ADCY9: variants seen among roughly 807,000 people sequenced by gnomAD.
ADCY9 encodes adenylate cyclase type 9.
In ADCY9, 50 loss-of-function variants were observed where a neutral mutation model predicts 101.5. The ratio of observed to expected loss-of-function variants is 0.49; its 90% CI spans 0.39 to 0.62. The LOEUF is 0.62. ADCY9 is among the 20% of genes least tolerant of loss of function. ADCY9 has a pLI of 0.00. For synonymous variants in ADCY9, 905 were observed against 769.3 expected (o/e 1.18, Z -2.92); for missense variants, 1,662 against 1,800.4 (o/e 0.92, Z 1.39).
intron 3 of ADCY9, among the ~76,000 whole-genome samples, chr16:4,001,008 C>CACACACACACACACACAT (rs3222326): frequency 6.6e-5 from 9 of 135,718 alleles, no homozygotes; most frequent in Non-Finnish European, 1.6e-4. Context: ...CACACACACA[C>CACACACACACACACACAT]ATATATAATT....
At chr16:3,995,741 G>C (rs1159492950) in intron 3 of ADCY9, among the ~76,000 whole-genome samples, 2 of 151,998 alleles carry the variant, frequency 1.3e-5, no homozygotes, top group Non-Finnish European at 2.9e-5. Context: ...ATATGACCCA[G>C]GTTGTATTTA....
chr16:4,107,595 A>C (rs1451278213), intron 2 of ADCY9, among the ~76,000 whole-genome samples: 1 of 148,304 alleles, frequency 6.7e-6, no homozygotes. Flanking sequence ...AGTGCAGGTC[A>C]ACACAGAATT....
intron 2 of ADCY9, among the ~76,000 whole-genome samples, chr16:4,056,040 A>G (rs187850227): frequency 6.6e-6 from 1 of 152,258 alleles, no homozygotes; most frequent in Admixed American, 6.5e-5. Context: ...CAGTGCTGGA[A>G]ACACACATGC....
At position 3,984,864 on chromosome 16, in the gene ADCY9, G is replaced by A. The variant is rs371939552; in HGVS notation, c.2311-1424C>T. 2.1e-4 allele frequency among the ~76,000 whole-genome samples: 32 copies of A among 152,312 alleles called. No homozygotes were observed. In the East Asian group the frequency reaches 4.6e-3, roughly 22 times the overall value. On this transcript the variant is annotated intron_variant, in intron 6 of 10. Transcript: ENST00000294016. ...CCTGGCAGCCCTGGGTGCGGTGTGC[G>A]TTCTTTGGGACAAACCAGCTCCGGG...
At chr16:4,046,310 G>A (rs545495930) in intron 2 of ADCY9, among the ~76,000 whole-genome samples, 3 of 152,268 alleles carry the variant, frequency 2.0e-5, no homozygotes, top group South Asian at 2.1e-4. Flanking sequence ...CATAGCACAT[G>A]CGCATTCCCC....
At chr16:3,960,248 G>C (rs2055930611), downstream of ADCY9, among the ~76,000 whole-genome samples, 1 of 151,910 alleles carries the variant, frequency 6.6e-6, no homozygotes, top group Non-Finnish European at 1.5e-5. Context: ...GGCCGGGCAC[G>C]GTGGCTCACT....
Position 3,966,398 on chromosome 16 carries a change from G to A in ADCY9, c.3439C>T (p.Arg1147Cys), listed in dbSNP as rs755552694. 5.0e-6 allele frequency: 8 copies of A among 1,614,068 alleles called. No homozygotes were observed. Among genetic ancestry groups the A allele is most frequent in the South Asian group, 1.1e-5 (1 of 91,084 alleles). ...TTGTTGTTGAAGTCGTCCACCACGC[G>A]CATCATCTCCTTGGCGAACTCGAAC... Reference protein sequence around the residue: ...ILFEFAKEMMRVVDDFNNNML... With the variant: ...ILFEFAKEMMCVVDDFNNNML... The change falls in exon 11 of 11, where the codon CGC becomes TGC. Residue 1147 changes from arginine (R) to cysteine (C), a missense_variant. Arg to Cys is a radical substitution (Grantham distance 180). Around this residue, in one of 5 missense-constraint regions of ADCY9, gnomAD observed 220 missense variants for 312.9 expected, o/e 0.70. Transcript: ENST00000294016.
intron 2 of ADCY9, among the ~76,000 whole-genome samples, chr16:4,099,385 G>A (rs531270667): frequency 8.9e-4 from 136 of 152,264 alleles, no homozygotes; most frequent in Admixed American, 3.8e-3. Context: ...TGCACAAACC[G>A]TTTCTTGGGT....
At chr16:4,061,357 A>T (rs1485024969) in intron 2 of ADCY9, among the ~76,000 whole-genome samples, 1 of 152,168 alleles carries the variant, frequency 6.6e-6, no homozygotes, top group Non-Finnish European at 1.5e-5. Flanking sequence ...CACATCCAAC[A>T]AACTCAAAGT....
intron 2 of ADCY9, among the ~76,000 whole-genome samples, chr16:4,068,387 C>T (rs532350357): frequency 2.8e-4 from 43 of 151,796 alleles, no homozygotes; most frequent in African/African-American, 9.4e-4. Context: ...GTAAAGAACA[C>T]GCGCTATATA....
In ADCY9 at chr16:4,113,993, C is replaced by T. The variant is rs763763787; in HGVS notation, c.1450G>A (p.Val484Met). ...EQFCQEKKEM[V>M]NMRVGVHTGT... Reference sequence around the variant, plus strand: ...GTGTGCACCCCGACTCTCATGTTCACCATCTCCTTCTTCTCCTGGCAGAAC... The same window carrying T: ...GTGTGCACCCCGACTCTCATGTTCATCATCTCCTTCTTCTCCTGGCAGAAC... The change falls in exon 2 of 11, where the codon GTG becomes ATG. Residue 484 changes from valine (V) to methionine (M), a missense_variant. This residue lies in a region of ADCY9 where 228 missense variants were observed against 301.1 expected (regional missense o/e 0.76). Transcript: ENST00000294016. 6.2e-7 allele frequency: 1 copy of T among 1,613,944 alleles called. No individual in the cohort carries two copies.
intron 2 of ADCY9, among the ~76,000 whole-genome samples, chr16:4,095,634 C>T (rs970089254): frequency 3.9e-5 from 6 of 152,170 alleles, no homozygotes; most frequent in Admixed American, 2.6e-4. Flanking sequence ...ATTCACTTCA[C>T]ATTTTCTCCA....
intron 2 of ADCY9, among the ~76,000 whole-genome samples, chr16:4,067,638 G>A (rs2141166038): frequency 6.6e-6 from 1 of 152,286 alleles, no homozygotes; most frequent in Middle Eastern, 3.4e-3. Context: ...TTTATGGTCT[G>A]TCCTAAACAG....
At chr16:4,010,027 G>A (rs2056393177) in intron 2 of ADCY9, among the ~76,000 whole-genome samples, 1 of 152,206 alleles carries the variant, frequency 6.6e-6, no homozygotes, top group Non-Finnish European at 1.5e-5. Context: ...CATACTGAGA[G>A]AGGAGGGACA....
intron 2 of ADCY9, among the ~76,000 whole-genome samples, chr16:4,037,617 C>A (rs562232819): frequency 6.6e-6 from 1 of 152,228 alleles, no homozygotes; most frequent in South Asian, 2.1e-4. Flanking sequence ...CAGTAAGACC[C>A]CACTTCTTAA....
Position 3,965,567 on chromosome 16 carries a change from C to A in ADCY9, c.*208G>T, listed in dbSNP as rs577006329. The A allele has an allele frequency of 6.6e-6, 4 of 601,700 alleles. No individual in the cohort carries two copies. The highest frequency in any genetic ancestry group is 5.6e-5 in the African/African-American group (3 of 53,856). 37.3% of individuals were successfully genotyped at this position (601,700 alleles called of 1,614,324 possible). On this transcript the variant is annotated 3_prime_UTR_variant, in exon 11 of 11. Coordinates refer to ENST00000294016, the MANE Select transcript of ADCY9 (RefSeq NM_001116.4). ...TGCTGAACGGATGACCCAGAGGCAGCGGGGTTTCCAGGGAAGGGAGCGAAA... is the reference window on the plus strand; with the variant it reads ...TGCTGAACGGATGACCCAGAGGCAGAGGGGTTTCCAGGGAAGGGAGCGAAA...
chr16:4,084,814 G>A (rs74005719), intron 2 of ADCY9, among the ~76,000 whole-genome samples: 1,993 of 152,130 alleles, frequency 0.013, 32 homozygotes, highest in African/African-American at 0.045. Context: ...AAACTGAGCC[G>A]CCTGCTAGTT....
intron 2 of ADCY9, among the ~76,000 whole-genome samples, chr16:4,045,235 A>C (rs980361621): frequency 1.3e-5 from 2 of 152,118 alleles, no homozygotes; most frequent in Middle Eastern, 3.2e-3. Context: ...GATGAAAATA[A>C]AGTGACTGCT....
rs2057140667 is a variant in ADCY9, at chr16:4,115,093, C to T, written c.350G>A (p.Arg117Gln). 2 of 1,613,924 alleles carry T rather than the reference C, an allele frequency of 1.2e-6. No homozygotes were observed. Among genetic ancestry groups the T allele is most frequent in the African/African-American group, 1.3e-5 (1 of 75,062 alleles). ...RCFPQTQRRFRYALFYIGFAC... is the reference protein window; with the variant it reads ...RCFPQTQRRFQYALFYIGFAC... ...GAAGCCGATGTAGAAGAGCGCATAC[C>T]GGAACCGGCGCTGGGTCTGCGGGAA... The change falls in exon 2 of 11, where the codon CGG (arginine) becomes CAG (glutamine). Residue 117 changes from arginine (R) to glutamine (Q), a missense_variant. By Grantham distance (43) the Arg-to-Gln change is conservative. This residue lies in a region of ADCY9 where 422 missense variants were observed against 392.0 expected (regional missense o/e 1.08). Coordinates refer to ENST00000294016, the MANE Select transcript of ADCY9 (RefSeq NM_001116.4). This position sits in a 1 kb window ranked among gnomAD's most constrained non-coding sequence, Gnocchi z 6.2.
Sources: gnomAD v4.1 joint callset for allele counts (sites outside exome capture counted in the v4.1 genomes callset) on GRCh38, gnomAD v4.1.1 for gene constraint, gnomAD v4.1.1 regional missense constraint, Gnocchi (gnomAD v3.1) non-coding constraint, MANE v1.5 for transcripts, NCBI Gene and HGNC (gene_info 2026-07-23, HGNC 2026-07-21) for gene names.